DOCK2: variants seen among roughly 807,000 people sequenced by gnomAD.
DOCK2 encodes dedicator of cytokinesis 2, also known as dedicator of cytokinesis protein 2.
A neutral mutation model predicts 248.9 loss-of-function variants in DOCK2; 87 were observed. The observed-to-expected ratio is 0.35, with a 90% CI of 0.29 to 0.42. The LOEUF (loss-of-function observed/expected upper bound fraction) is 0.42, where lower values mean the gene tolerates loss of function less well. DOCK2 is among the 10% of genes least tolerant of loss of function. The pLI is 1.00. For missense variants in DOCK2, 1,747 were observed against 2,300.2 expected (o/e 0.76, Z 4.92); for synonymous variants, 805 against 821.6 (o/e 0.98, Z 0.35).
chr5:169,699,361 A>T (rs1760821873), intron 11 of DOCK2, 21 bp from the exon 12 acceptor site: 1 of 1,610,456 alleles, frequency 6.2e-7, no homozygotes, highest in Admixed American at 1.7e-5. Flanking sequence ...TGGACATTTC[A>T]TGCTCTCTTT....
chr5:169,877,640 A>G (rs992857761), intron 27 of DOCK2, among the ~76,000 whole-genome samples: 2 of 152,054 alleles, frequency 1.3e-5, no homozygotes, highest in African/African-American at 4.8e-5. Flanking sequence ...GTCTGCATGT[A>G]GTTGCTTGAA....
intron 39 of DOCK2, among the ~76,000 whole-genome samples, chr5:170,046,310 C>T (rs891950044): frequency 1.3e-5 from 2 of 152,216 alleles, no homozygotes; most frequent in African/African-American, 2.4e-5. Context: ...TCTGGTTACT[C>T]CCATTAGCAT....
chr5:169,925,917 G>A lies in DOCK2; in HGVS notation c.2800-57151G>A, dbSNP rs111551680. ...GCCTGTTTTAGGTCTTGTGTTTCCC[G>A]CAGAGACTCTAGGGAAATTCTTAAA... On this transcript the variant is annotated intron_variant, in intron 27 of 51. Coordinates refer to ENST00000520908, the MANE Select transcript of DOCK2 (RefSeq NM_004946.3). Among the ~76,000 whole-genome samples, 347 of 152,210 alleles carry A rather than the reference G, an allele frequency of 2.3e-3. 1 individual carries two copies. The highest frequency in any genetic ancestry group is 7.8e-3 in the African/African-American group (322 of 41,512).
chr5:169,791,234 C>T (rs879610106), intron 25 of DOCK2, among the ~76,000 whole-genome samples: 1 of 152,204 alleles, frequency 6.6e-6, no homozygotes, highest in Non-Finnish European at 1.5e-5. Context: ...TATCTCACCC[C>T]AGGCTCTCAC....
At chr5:169,770,804 C>T (rs1214412285) in intron 25 of DOCK2, among the ~76,000 whole-genome samples, 2 of 152,072 alleles carry the variant, frequency 1.3e-5, no homozygotes, top group African/African-American at 4.8e-5. Flanking sequence ...GTTTTGATGA[C>T]GGTAGGAAAT....
chr5:169,657,499 AG>A (rs1396008869), intron 2 of DOCK2, among the ~76,000 whole-genome samples: 2 of 152,248 alleles, frequency 1.3e-5, no homozygotes, highest in Non-Finnish European at 2.9e-5. Flanking sequence ...AAAAGGAAAT[AG>A]TGGCTAATAT....
At chr5:169,950,181 G>A (rs1461267358) in intron 27 of DOCK2, among the ~76,000 whole-genome samples, 1 of 152,146 alleles carries the variant, frequency 6.6e-6, no homozygotes, top group Non-Finnish European at 1.5e-5. Context: ...AAGGTGGTTG[G>A]AAGCTTGGTC....
chr5:169,942,730 G>A lies in DOCK2; in HGVS notation c.2800-40338G>A, dbSNP rs1215437578. ...ACAGCTCCTGCCCTCCACATTGGTC[G>A]GAGAGACCACGAGGGTTCAGGAAAC... On this transcript the variant is annotated intron_variant, in intron 27 of 51. Transcript: ENST00000520908. Among the ~76,000 whole-genome samples, 8 of 152,202 alleles carry A rather than the reference G, an allele frequency of 5.3e-5. No homozygotes were observed. In the South Asian group the frequency reaches 8.3e-4, roughly 16 times the overall value.
chr5:169,688,112 G>C (rs1760088273), intron 8 of DOCK2, among the ~76,000 whole-genome samples: 1 of 152,094 alleles, frequency 6.6e-6, no homozygotes, highest in Non-Finnish European at 1.5e-5. Flanking sequence ...TTTTAGTAGA[G>C]GCAGGGTTTC....
chr5:170,059,774 A>G (rs565619476), intron 44 of DOCK2, among the ~76,000 whole-genome samples: 1 of 152,338 alleles, frequency 6.6e-6, no homozygotes, highest in East Asian at 1.9e-4. Context: ...AGACACCCGT[A>G]ATGTCTAAAC....
At chr5:169,801,748 A>T (rs1283249482) in intron 25 of DOCK2, among the ~76,000 whole-genome samples, 2 of 151,254 alleles carry the variant, frequency 1.3e-5, no homozygotes, top group East Asian at 3.9e-4. Context: ...ACAGAATAAG[A>T]GATGTCCTCT....
chr5:170,079,947 T>TC, intron 49 of DOCK2: 1 of 611,142 alleles, frequency 1.6e-6, no homozygotes, highest in Non-Finnish European at 2.7e-6. Flanking sequence ...TAAATGAATG[T>TC]CCGCCACCCC....
chr5:169,796,165 A>G (rs924202280), intron 25 of DOCK2, among the ~76,000 whole-genome samples: 22 of 152,114 alleles, frequency 1.4e-4, no homozygotes, highest in African/African-American at 5.3e-4. Context: ...CTTGTGTTTA[A>G]CCCTCTTCCC....
chr5:169,913,490 TG>T (rs2113627280), intron 27 of DOCK2, among the ~76,000 whole-genome samples: 1 of 152,364 alleles, frequency 6.6e-6, no homozygotes, highest in African/African-American at 2.4e-5. Flanking sequence ...TATTTTCTAC[TG>T]GCTTCTTTGA....
chr5:169,730,346 G>A (rs147103041), intron 22 of DOCK2, among the ~76,000 whole-genome samples: 26 of 152,324 alleles, frequency 1.7e-4, no homozygotes, highest in Middle Eastern at 3.4e-3. Context: ...CTATGAGCAA[G>A]TGCTCTCACA....
At chr5:169,766,543 A>G (rs1232617942) in intron 25 of DOCK2, among the ~76,000 whole-genome samples, 1 of 152,170 alleles carries the variant, frequency 6.6e-6, no homozygotes, top group Non-Finnish European at 1.5e-5. Flanking sequence ...ACACAGGCAT[A>G]TGTTTATGAA....
chr5:169,828,639 C>G (rs1581251814), intron 26 of DOCK2, among the ~76,000 whole-genome samples: 1 of 152,054 alleles, frequency 6.6e-6, no homozygotes, highest in Non-Finnish European at 1.5e-5. Flanking sequence ...TTTTTGGTTT[C>G]TCCCATTTCC....
Position 169,875,194 on chromosome 5 carries a change from C to T in DOCK2, c.2799+34342C>T, listed in dbSNP as rs1476556716. On this transcript the variant is annotated intron_variant, in intron 27 of 51. Coordinates refer to ENST00000520908, the MANE Select transcript of DOCK2 (RefSeq NM_004946.3). ...ACCCTGATTTTTTACCTAAAAAAAT[C>T]CTTCTGCTTTATTTGAACCAACCAT... 1.1e-5 allele frequency: 5 copies of T among 455,846 alleles called. No homozygotes were observed. The East Asian group carries it at 2.8e-4, about 25-fold the overall frequency. 28.2% of individuals were successfully genotyped at this position (455,846 alleles called of 1,614,324 possible). A position where few individuals can be genotyped will look rare whatever the true frequency, so the allele number is the denominator to read the frequency against.
chr5:169,850,686 A>G (rs547595921), intron 27 of DOCK2, among the ~76,000 whole-genome samples: 1 of 152,340 alleles, frequency 6.6e-6, no homozygotes, highest in South Asian at 2.1e-4. Context: ...GCATTGCCTT[A>G]ATAAGGACTT....
Sources: gnomAD v4.1 joint callset for allele counts (sites outside exome capture counted in the v4.1 genomes callset) on GRCh38, gnomAD v4.1.1 for gene constraint, MANE v1.5 for transcripts, NCBI Gene and HGNC (gene_info 2026-07-23, HGNC 2026-07-21) for gene names.